KCNIP1: variants seen among roughly 807,000 people sequenced by gnomAD.
KCNIP1 encodes the protein potassium voltage-gated channel interacting protein 1, also known as A-type potassium channel modulatory protein KCNIP1.
Under a neutral mutation model 33.0 loss-of-function variants are expected in KCNIP1, and 18 were observed. That is an observed-to-expected ratio of 0.55 (90% CI 0.38 to 0.81). The LOEUF is 0.81. Ranked by LOEUF, KCNIP1 falls within the 30% of genes least tolerant of loss-of-function variation. The pLI is 0.00. For synonymous variants in KCNIP1, 93 were observed against 98.3 expected (o/e 0.95, Z 0.32); for missense variants, 238 against 271.6 (o/e 0.88, Z 0.87).
intron 1 of KCNIP1, among the ~76,000 whole-genome samples, chr5:170,716,025 C>T (rs1044964354): frequency 4.6e-5 from 7 of 152,176 alleles, no homozygotes; most frequent in African/African-American, 1.4e-4. Flanking sequence ...TGGTGAAAAC[C>T]GCTGCCCGTC....
At chr5:170,429,699 T>C (rs1461604630) in intron 1 of KCNIP1, among the ~76,000 whole-genome samples, 2 of 152,222 alleles carry the variant, frequency 1.3e-5, no homozygotes, top group Non-Finnish European at 2.9e-5. Flanking sequence ...CTCCCATTTA[T>C]GGGTGGGAAC....
chr5:170,390,511 AAAAC>A lies in KCNIP1; in HGVS notation c.88+36551_88+36554del, dbSNP rs1220336648. On this transcript the variant is annotated intron_variant, in intron 1 of 7. Coordinates refer to the KCNIP1 transcript ENST00000377360. Reference sequence around the variant, plus strand: ...GAGCGAGACCCCGTCTCAAAAAAAAAAAACAAATATATATATATATATATATATT... The same window carrying A: ...GAGCGAGACCCCGTCTCAAAAAAAAAAAATATATATATATATATATATATT... Among the ~76,000 whole-genome samples the A allele has an allele frequency of 1.4e-3, 88 of 62,338 alleles. 5 individuals carry two copies. The highest frequency in any genetic ancestry group is 5.5e-3 in the African/African-American group (69 of 12,512). 40.9% of individuals were successfully genotyped at this position (62,338 alleles called of 152,430 possible). A position where few individuals can be genotyped will look rare whatever the true frequency, so the allele number is the denominator to read the frequency against.
At chr5:170,494,724 G>T (rs368646435) in intron 1 of KCNIP1, among the ~76,000 whole-genome samples, 1 of 152,082 alleles carries the variant, frequency 6.6e-6, no homozygotes, top group South Asian at 2.1e-4. Context: ...CAGGCTCCCC[G>T]TCCCCTCACC....
At chr5:170,524,046 G>A (rs1377289221) in intron 1 of KCNIP1, among the ~76,000 whole-genome samples, 1 of 152,122 alleles carries the variant, frequency 6.6e-6, no homozygotes, top group Non-Finnish European at 1.5e-5. Flanking sequence ...TCCATGGTCT[G>A]CCCTGGCTTT....
At chr5:170,529,779 G>C (rs1340594388) in intron 1 of KCNIP1, among the ~76,000 whole-genome samples, 3 of 152,112 alleles carry the variant, frequency 2.0e-5, no homozygotes, top group African/African-American at 4.8e-5. Context: ...CCCAGAGTTA[G>C]AGCTTATAAA....
intron 1 of KCNIP1, among the ~76,000 whole-genome samples, chr5:170,476,910 T>C (rs917733857): frequency 6.6e-6 from 1 of 152,214 alleles, no homozygotes; most frequent in Non-Finnish European, 1.5e-5. Flanking sequence ...ACATTATAAA[T>C]GGCCTTCCCT....
chr5:170,652,213 G>A (rs959516543), intron 1 of KCNIP1, among the ~76,000 whole-genome samples: 11 of 152,278 alleles, frequency 7.2e-5, no homozygotes, highest in East Asian at 1.9e-4. Flanking sequence ...TGGCTAGTGC[G>A]TGGCTAGTGC....
At chr5:170,471,889 A>G (rs1389771027) in intron 1 of KCNIP1, among the ~76,000 whole-genome samples, 2 of 152,176 alleles carry the variant, frequency 1.3e-5, no homozygotes, top group African/African-American at 4.8e-5. Flanking sequence ...ACAGCCTCAC[A>G]AGTCATGATA....
intron 5 of KCNIP1, among the ~76,000 whole-genome samples, chr5:170,729,103 C>T (rs962099489): frequency 4.0e-5 from 6 of 151,864 alleles, no homozygotes; most frequent in African/African-American, 1.2e-4. Flanking sequence ...TATTCTTACT[C>T]GGTACCATAA....
rs371056378 is a variant in KCNIP1, at chr5:170,702,109, C to A, written c.62-16649C>A. Among the ~76,000 whole-genome samples, 6 of 152,320 alleles carry A rather than the reference C, an allele frequency of 3.9e-5. No individual in the cohort carries two copies. In the South Asian group the frequency reaches 1.2e-3, roughly 32 times the overall value. ...CTCCCATGACCCATGTCTCTCCAGT[C>A]CCATAACTCTGCTCTATTTCCATTC... On this transcript the variant is annotated intron_variant, in intron 1 of 7. Coordinates refer to ENST00000328939, the MANE Select transcript of KCNIP1 (RefSeq NM_014592.4).
intron 1 of KCNIP1, among the ~76,000 whole-genome samples, chr5:170,410,821 T>C (rs923362722): frequency 4.6e-5 from 7 of 152,222 alleles, no homozygotes; most frequent in African/African-American, 1.4e-4. Context: ...AGTTGTGAGG[T>C]TGGCTCAGTG....
chr5:170,721,958 C>A, intron 4 of KCNIP1, 55 bp downstream of exon 4: 1 of 1,596,054 alleles, frequency 6.3e-7, no homozygotes, highest in Non-Finnish European at 8.6e-7. Flanking sequence ...TCACCTCCCC[C>A]TCTAAATCTC....
At chr5:170,582,114 C>T (rs1282390832) in intron 1 of KCNIP1, among the ~76,000 whole-genome samples, 2 of 152,222 alleles carry the variant, frequency 1.3e-5, no homozygotes, top group South Asian at 2.1e-4. Context: ...ACCCCCAACA[C>T]TGAGGATCAA....
intron 1 of KCNIP1, among the ~76,000 whole-genome samples, chr5:170,578,922 C>G (rs1757696468): frequency 6.6e-6 from 1 of 152,082 alleles, no homozygotes; most frequent in Admixed American, 6.5e-5. Flanking sequence ...AGGGAGGGCC[C>G]TGAGGTGGGA....
At chr5:170,579,807 G>T (rs1757727235) in intron 1 of KCNIP1, among the ~76,000 whole-genome samples, 1 of 152,104 alleles carries the variant, frequency 6.6e-6, no homozygotes, top group African/African-American at 2.4e-5. Context: ...GGGCTCACAA[G>T]AAATCAAAGC....
chr5:170,646,812 T>A (rs527489318), intron 1 of KCNIP1, among the ~76,000 whole-genome samples: 4 of 152,228 alleles, frequency 2.6e-5, no homozygotes, highest in African/African-American at 9.6e-5. Context: ...TGTTTCCAGA[T>A]GACATGATTA....
At chr5:170,418,968 G>A (rs769451761) in intron 1 of KCNIP1, among the ~76,000 whole-genome samples, 13 of 152,180 alleles carry the variant, frequency 8.5e-5, no homozygotes, top group South Asian at 4.1e-4. Flanking sequence ...GAGTGTCCTC[G>A]CTAAGACGAT....
chr5:170,641,034 A>T (rs1760526951), intron 1 of KCNIP1, among the ~76,000 whole-genome samples: 1 of 152,146 alleles, frequency 6.6e-6, no homozygotes, highest in African/African-American at 2.4e-5. Context: ...AGTAGAAAGA[A>T]TATGTTTTGG....
At chr5:170,603,651 G>A (rs1721410656) in intron 1 of KCNIP1, among the ~76,000 whole-genome samples, 1 of 152,182 alleles carries the variant, frequency 6.6e-6, no homozygotes, top group Non-Finnish European at 1.5e-5. Context: ...TGACCAGCTA[G>A]CCAGATAGAG....
Sources: gnomAD v4.1 joint callset for allele counts (sites outside exome capture counted in the v4.1 genomes callset) on GRCh38, gnomAD v4.1.1 for gene constraint, MANE v1.5 for transcripts, NCBI Gene and HGNC (gene_info 2026-07-23, HGNC 2026-07-21) for gene names.